TTN: variants seen among roughly 807,000 people sequenced by gnomAD.
The protein encoded by TTN is titin.
TTN carries 1,525 observed loss-of-function variants against 3,223.0 expected under a neutral mutation model. That is an observed-to-expected ratio of 0.47 (90% confidence interval 0.45 to 0.49). The LOEUF is 0.49. TTN is among the 20% of genes least tolerant of loss of function. The pLI is 0.00. For synonymous variants in TTN, 14,094 were observed against 15,161.0 expected (o/e 0.93, Z 5.17); for missense variants, 40,786 against 43,424.0 (o/e 0.94, Z 5.40).
rs11884172 is a variant in TTN, at chr2:178,744,979, C to T, written c.11312-3058G>A. The T allele has an allele frequency of 7.9e-3, 7,807 of 985,154 alleles. 488 individuals are homozygous for T. In the African/African-American group the frequency reaches 0.13, roughly 16 times the overall value. The allele number at this position is 985,154 out of a possible 1,614,324, so 61.0% of individuals were successfully genotyped here. On this transcript the variant is annotated intron_variant, in intron 47 of 362. Coordinates refer to ENST00000589042, the MANE Select transcript of TTN (RefSeq NM_001267550.2). ...TGAAGAGGAATATTAATAACGAAAA[C>T]ATTTTTAAAAGAGATGAAGTTAATA... is the stretch of plus-strand genomic sequence containing the variant.
At chr2:178,774,595 T>G (rs1271889520) in intron 29 of TTN, 122 bp from the exon 30 acceptor site, 2 of 890,752 alleles carry the variant, frequency 2.2e-6, no homozygotes, top group Non-Finnish European at 3.4e-6. Context: ...ATTCTTAATA[T>G]CTACCCGCTG....
Position 178,611,268 on chromosome 2 carries a change from T to G in TTN, c.50861A>C (p.Lys16954Thr). ...ATGAGTCTCCAGGTCAATTGTTGGCTTGCCTGTAAGATATCATTCAAAAGA... is the reference window on the plus strand; with the variant it reads ...ATGAGTCTCCAGGTCAATTGTTGGCGTGCCTGTAAGATATCATTCAAAAGA... ...ENVVAKDPDC[K>T]PTIDLETHDI... The change falls in exon 270 of 363, where the codon AAG becomes ACG. Residue 16954 changes from lysine to threonine, a missense_variant. By Grantham distance (78) the Lys-to-Thr change is moderately conservative. Transcript: ENST00000589042. 1 of 1,612,054 alleles carries G rather than the reference T, an allele frequency of 6.2e-7. No individual in the cohort carries two copies. Among genetic ancestry groups the G allele is most frequent in the Non-Finnish European group, 8.5e-7 (1 of 1,179,108 alleles).
At chr2:178,704,052 T>A in intron 106 of TTN, 95 bp downstream of exon 106, 2 of 1,473,794 alleles carry the variant, frequency 1.4e-6, no homozygotes, top group Non-Finnish European at 1.8e-6. Context: ...ATGACCACTT[T>A]GGTGTGTGTC....
In TTN at chr2:178,688,164, T is replaced by C; in HGVS notation, c.32258A>G (p.Tyr10753Cys). The C allele has an allele frequency of 6.2e-7, 1 of 1,613,084 alleles. No homozygotes were observed. Among genetic ancestry groups the C allele is most frequent in the Non-Finnish European group, 8.5e-7 (1 of 1,179,738 alleles). ...EEEEGVSISV[Y>C]REEEREEEEE... is the part of the protein sequence containing the mutation. ...CTCCTCCTCTCTTTCTTCTTCTCTA[T>C]AAACTGAAATGGACACACCTTCCTC... The change falls in exon 127 of 363, where the codon TAT becomes TGT. Residue 10753 changes from tyrosine (Y) to cysteine (C), a missense_variant. Physicochemically the swap from Tyr to Cys is radical, Grantham distance 194. Transcript: ENST00000589042.
At chr2:178,793,318 G>A (rs2093609866) in intron 9 of TTN, 86 bp downstream of exon 9, 1 of 1,548,042 alleles carries the variant, frequency 6.5e-7, no homozygotes. Context: ...GTGGCCCAAG[G>A]AACAACACTC....
At chr2:178,681,559 C>T in intron 136 of TTN, 102 bp downstream of exon 136, 1 of 1,459,468 alleles carries the variant, frequency 6.9e-7, no homozygotes, top group Non-Finnish European at 9.4e-7. Context: ...CCCAAACACA[C>T]ACATAATTTG....
intron 223 of TTN, among the ~76,000 whole-genome samples, chr2:178,638,570 A>T (rs1456530926): frequency 7.5e-5 from 11 of 147,208 alleles, no homozygotes; most frequent in Admixed American, 3.4e-4. Flanking sequence ...TTTTTTTTTT[A>T]AATTCACCCT....
At chr2:178,772,310 A>G (rs1300652462) in intron 33 of TTN, among the ~76,000 whole-genome samples, 1 of 152,188 alleles carries the variant, frequency 6.6e-6, no homozygotes, top group Non-Finnish European at 1.5e-5. Flanking sequence ...AAACTTTCAT[A>G]CCAAATAAGA....
rs775209602 is a variant in TTN at position 178,729,712 on chromosome 2, G to A, written c.18541C>T (p.Arg6181Ter). The change falls in exon 63 of 363, where the codon CGA (arginine) becomes TGA (stop). Residue 6181 changes from arginine to a stop codon, truncating the protein, a stop_gained. Transcript: ENST00000589042. LOFTEE classifies it high-confidence loss of function. Reference sequence around the variant, plus strand: ...CAGCTCGCCGTGCCTGCGTCATTTCGAGCTTCACACACATAAGTCCCACTA... The same window carrying A: ...CAGCTCGCCGTGCCTGCGTCATTTCAAGCTTCACACACATAAGTCCCACTA... Reference protein sequence around the residue: ...ENSGTYVCEARNDAGTASCSI... With the variant: ...ENSGTYVCEA 3 of 1,613,662 alleles carry A rather than the reference G, an allele frequency of 1.9e-6. No homozygotes were observed. The highest frequency in any genetic ancestry group is 2.5e-6 in the Non-Finnish European group (3 of 1,179,686).
Position 178,548,988 on chromosome 2 carries a change from T to G in TTN, c.92638A>C (p.Arg30880=), listed in dbSNP as rs768169370. The G allele has an allele frequency of 9.9e-6, 16 of 1,613,938 alleles. No homozygotes were observed. The highest frequency in any genetic ancestry group is 1.4e-5 in the Non-Finnish European group (16 of 1,179,836). The change falls in exon 339 of 363, where the codon AGA becomes CGA. Residue 30880 remains arginine (R), a synonymous_variant. Coordinates refer to ENST00000589042, the MANE Select transcript of TTN (RefSeq NM_001267550.2). This position sits in a 1 kb window ranked among gnomAD's most constrained non-coding sequence, Gnocchi z 4.3. Reference sequence around the variant, plus strand: ...GCTTGTAGATCAGTGACTGTATATCTTGTTTTCACACATGCCTCTGCATTC... The same window carrying G: ...GCTTGTAGATCAGTGACTGTATATCGTGTTTTCACACATGCCTCTGCATTC... ...KVNAEACVKT[R]YTVTDLQAGE...
In TTN at chr2:178,572,580, C is replaced by T. The variant is rs550593055; in HGVS notation, c.73552G>A (p.Asp24518Asn). 10 of 1,613,364 alleles carry T rather than the reference C, an allele frequency of 6.2e-6. No homozygotes were observed. The highest frequency in any genetic ancestry group is 3.3e-5 in the South Asian group (3 of 91,048). Residue 24518 changes from aspartate to asparagine, a missense_variant, in exon 326 of 363, where the codon GAT (aspartate) becomes AAT (asparagine). Asp to Asn is a conservative substitution (Grantham distance 23). Transcript: ENST00000589042. Reference sequence around the variant, plus strand: ...AGATCCTGTGGGGGGCCTGGTGTATCGAGAACTCTAACATTGACAAATGCA... The same window carrying T: ...AGATCCTGTGGGGGGCCTGGTGTATTGAGAACTCTAACATTGACAAATGCA... The part of the protein sequence containing the change: ...KSAFVNVRVL[D>N]TPGPPQDLKV...
chr2:178,560,467 C>G lies in TTN; in HGVS notation c.85665G>C (p.Thr28555=), dbSNP rs376611533. The G allele has an allele frequency of 6.2e-7, 1 of 1,613,292 alleles. No homozygotes were observed. The highest frequency in any genetic ancestry group is 1.3e-5 in the African/African-American group (1 of 74,970). ...TGGTCACAGAAGTAATTTCCAAAGA[C>G]GTGGGTGGACTTGGAACTGTAAATG... ...LDPFTVPSPP[T]SLEITSVTKE... The change falls in exon 326 of 363, where the codon ACG becomes ACC. Residue 28555 remains threonine, a synonymous_variant. Coordinates refer to ENST00000589042, the MANE Select transcript of TTN (RefSeq NM_001267550.2).
Position 178,799,572 on chromosome 2 carries a change from G to C in TTN, c.829C>G (p.Leu277Val), listed in dbSNP as rs2093947558. ...GGCGATGGGGACTGCTGCCGAGCCA[G>C]CTGTGCTTTGGCAGCAATAGACGGT... Reference protein sequence around the residue: ...TPPSIAAKAQLARQQSPSPIR... With the variant: ...TPPSIAAKAQVARQQSPSPIR... Residue 277 changes from leucine (L) to valine (V), a missense_variant, in exon 6 of 363, where the codon CTG becomes GTG. Leu to Val is a conservative substitution (Grantham distance 32). Transcript: ENST00000589042. The C allele has an allele frequency of 6.2e-7, 1 of 1,614,092 alleles. No individual in the cohort carries two copies.
At chr2:178,623,505 AG>A (rs763900129) in intron 242 of TTN, among the ~76,000 whole-genome samples, 23 of 151,908 alleles carry the variant, frequency 1.5e-4, no homozygotes, top group Admixed American at 7.9e-4. Context: ...TTGAGCAATA[AG>A]ATTCTGAGAC....
chr2:178,541,503 T>A lies in TTN; in HGVS notation c.97574A>T (p.Asp32525Val), dbSNP rs750281394. 2 of 1,613,374 alleles carry A rather than the reference T, an allele frequency of 1.2e-6. No homozygotes were observed. The highest frequency in any genetic ancestry group is 2.2e-5 in the South Asian group (2 of 91,002). ...GMTLTWYPPE[D>V]DGGSQVTGYI... ...TCCAGTCACTTGGGAGCCACCGTCA[T>A]CCTCTGGTGGGTACCAAGTAAGTGT... The change falls in exon 350 of 363, where the codon GAT becomes GTT. Residue 32525 changes from aspartate to valine, a missense_variant. Transcript: ENST00000589042.
At chr2:178,760,868 TGTG>T (rs2088966391) in intron 43 of TTN, 5 of 152,182 alleles carry the variant, frequency 3.3e-5, no homozygotes, top group African/African-American at 1.2e-4. Context: ...TGTGTGTGTG[TGTG>T]TGTGTGTGTG....
intron 114 of TTN, 88 bp downstream of exon 114, chr2:178,695,777 C>G: frequency 3.7e-6 from 4 of 1,070,492 alleles, no homozygotes; most frequent in Non-Finnish European, 5.0e-6. Flanking sequence ...TTCACATAAA[C>G]TGCAAATCAG....
intron 224 of TTN, among the ~76,000 whole-genome samples, 182 bp downstream of exon 224, chr2:178,637,187 A>ATATATATCTATATATCTATC (rs1553749552): frequency 1.6e-5 from 2 of 125,304 alleles, no homozygotes; most frequent in African/African-American, 6.1e-5. Flanking sequence ...ATATATATAT[A>ATATATATCTATATATCTATC]TATCTCCTTG....
chr2:178,580,045 T>G lies in TTN; in HGVS notation c.67242A>C (p.Arg22414Ser), dbSNP rs761987832. ...ATTTTCCCTCCTCCAAATTAGCTAC[T>G]CTGAAGCTTGTTTTGGAGCACTCAG... is the stretch of plus-strand genomic sequence containing the variant. ...VTTECSKTSF[R>S]VANLEEGKSY... The change falls in exon 318 of 363, where the codon AGA becomes AGC. Residue 22414 changes from arginine (R) to serine (S), a missense_variant. Arg to Ser is a moderately radical substitution (Grantham distance 110). Coordinates refer to ENST00000589042, the MANE Select transcript of TTN (RefSeq NM_001267550.2). 2 of 1,613,370 alleles carry G rather than the reference T, an allele frequency of 1.2e-6. No individual in the cohort carries two copies. The highest frequency in any genetic ancestry group is 1.7e-6 in the Non-Finnish European group (2 of 1,179,498).
Sources: gnomAD v4.1 joint callset for allele counts (sites outside exome capture counted in the v4.1 genomes callset) on GRCh38, gnomAD v4.1.1 for gene constraint, Gnocchi (gnomAD v3.1) non-coding constraint, MANE v1.5 for transcripts, NCBI Gene and HGNC (gene_info 2026-07-23, HGNC 2026-07-21) for gene names.